The following LRGUK variants were observed in gnomAD, a reference collection of about 807,000 sequenced individuals.
The protein encoded by LRGUK is leucine-rich repeat and guanylate kinase domain-containing protein.
LRGUK carries 65 observed loss-of-function variants against 76.0 expected under a neutral mutation model. The observed-to-expected ratio is 0.85, with a 90% confidence interval of 0.70 to 1.05. The LOEUF (loss-of-function observed/expected upper bound fraction) is 1.05. LRGUK is among the 50% of genes least tolerant of loss of function. LRGUK has a pLI of 0.00. For synonymous variants in LRGUK, 268 were observed against 265.6 expected (o/e 1.01, Z -0.09); for missense variants, 758 against 732.8 (o/e 1.03, Z -0.40).
chr7:134,216,256 A>C (rs925974836), intron 15 of LRGUK, among the ~76,000 whole-genome samples: 2 of 152,146 alleles, frequency 1.3e-5, no homozygotes, highest in Non-Finnish European at 2.9e-5. Flanking sequence ...AAATGTTTGC[A>C]TTTTCCTGTT....
At chr7:134,191,115 A>AG (rs936233923) in intron 11 of LRGUK, among the ~76,000 whole-genome samples, 1 of 152,174 alleles carries the variant, frequency 6.6e-6, no homozygotes, top group Non-Finnish European at 1.5e-5. Flanking sequence ...CAGGTGGTGG[A>AG]GGGGATGGGC....
At chr7:134,171,729 A>G (rs1307355031) in intron 7 of LRGUK, among the ~76,000 whole-genome samples, 1 of 152,170 alleles carries the variant, frequency 6.6e-6, no homozygotes, top group Non-Finnish European at 1.5e-5. Flanking sequence ...CCATAGGAAT[A>G]TAACCTTTCT....
rs554413930 is a variant in LRGUK at position 134,146,552 on chromosome 7, A to G, written c.589-1686A>G. On this transcript the variant is annotated intron_variant, in intron 4 of 15. Transcript: ENST00000645682. ...CCATAGCTCCCATTTGTATATGCAT[A>G]CATTTGGTGTTCTGATTTTTTTAAT... Among the ~76,000 whole-genome samples, 8 of 152,324 alleles carry G rather than the reference A, an allele frequency of 5.3e-5. 2 individuals are homozygous for G. Among genetic ancestry groups the G allele is most frequent in the African/African-American group, 1.9e-4 (8 of 41,570 alleles).
chr7:134,171,130 G>A (rs1799222322), intron 7 of LRGUK, among the ~76,000 whole-genome samples: 1 of 104,188 alleles, frequency 9.6e-6, no homozygotes, highest in Admixed American at 9.4e-5. Flanking sequence ...AGGAAGTCAA[G>A]CAATCTTTTT....
chr7:134,226,011 CA>C (rs1801732840), intron 16 of LRGUK, among the ~76,000 whole-genome samples: 1 of 152,084 alleles, frequency 6.6e-6, no homozygotes, highest in Non-Finnish European at 1.5e-5. Flanking sequence ...GGTAAATTTC[CA>C]TGTCTTTTTG....
intron 6 of LRGUK, among the ~76,000 whole-genome samples, chr7:134,161,455 A>C (rs1798728719): frequency 6.6e-6 from 1 of 152,028 alleles, no homozygotes; most frequent in Non-Finnish European, 1.5e-5. Flanking sequence ...CATATATAAA[A>C]ATAAGAAGAA....
At chr7:134,232,620 A>C (rs535863061) in intron 16 of LRGUK, among the ~76,000 whole-genome samples, 1 of 152,186 alleles carries the variant, frequency 6.6e-6, no homozygotes, top group Admixed American at 6.5e-5. Context: ...TTCCTCTAGA[A>C]CCTAAATAAT....
the LRGUK span, among the ~76,000 whole-genome samples, chr7:134,272,143 T>C: frequency 3.9e-5 from 6 of 152,134 alleles, no homozygotes; most frequent in Non-Finnish European, 8.8e-5. Flanking sequence ...TTGCTATAGA[T>C]TTTAGGTAGA....
At chr7:134,200,018 A>G (rs1800697347) in intron 14 of LRGUK, among the ~76,000 whole-genome samples, 1 of 128,680 alleles carries the variant, frequency 7.8e-6, no homozygotes, top group African/African-American at 2.9e-5. Flanking sequence ...ATATATATAT[A>G]TATATATATA....
At chr7:134,261,014 G>A (rs1220706786) in intron 19 of LRGUK, among the ~76,000 whole-genome samples, 2 of 152,224 alleles carry the variant, frequency 1.3e-5, no homozygotes, top group African/African-American at 2.4e-5. Flanking sequence ...CACCATTTGA[G>A]TGTGGCTTTT....
chr7:134,161,934 C>T (rs188021805), intron 6 of LRGUK, among the ~76,000 whole-genome samples: 6 of 152,064 alleles, frequency 3.9e-5, no homozygotes, highest in African/African-American at 7.2e-5. Flanking sequence ...CCTCGTGATC[C>T]GCCTGCCGCA....
At chr7:134,183,578 T>C (rs546418690) in intron 10 of LRGUK, among the ~76,000 whole-genome samples, 156 bp from the exon 11 acceptor site, 1 of 152,250 alleles carries the variant, frequency 6.6e-6, no homozygotes, top group Non-Finnish European at 1.5e-5. Flanking sequence ...TTTTGACATA[T>C]AATCAATCTG....
chr7:134,127,711 C>T (rs746294482), intron 1 of LRGUK, 47 bp downstream of exon 1: 26 of 1,554,382 alleles, frequency 1.7e-5, no homozygotes, highest in Non-Finnish European at 2.3e-5. Flanking sequence ...CTCGTCCAGC[C>T]CTGTTACTTC....
Position 134,221,958 on chromosome 7 carries a change from C to CAGT in LRGUK, c.1983+40_1983+41insAGT, listed in dbSNP as rs764014082. 1.5e-4 allele frequency: 219 copies of CAGT among 1,502,472 alleles called. No individual in the cohort carries two copies. The Admixed American group carries it at 1.6e-3, about 11-fold the overall frequency. The allele number at this position is 1,502,472 out of a possible 1,614,324, so 93.1% of individuals were successfully genotyped here. On this transcript the variant is annotated intron_variant, in intron 16 of 19. Transcript: ENST00000285928. ...GAAGGGGTGAAGCCACAACTGAGCT[C>CAGT]TATACAATGTCAGACAAAGAGGGGA...
At chr7:134,146,905 T>C (rs561059421) in intron 4 of LRGUK, among the ~76,000 whole-genome samples, 1 of 152,264 alleles carries the variant, frequency 6.6e-6, no homozygotes, top group East Asian at 1.9e-4. Context: ...CAGCAAATTA[T>C]GAATGCAGTG....
intron 16 of LRGUK, among the ~76,000 whole-genome samples, chr7:134,231,097 GATC>G (rs1198021421): frequency 2.0e-5 from 3 of 152,152 alleles, no homozygotes; most frequent in Admixed American, 2.0e-4. Flanking sequence ...GTAAGGTGAG[GATC>G]CAAGGGTGAT....
At chr7:134,248,965 C>T in exon 18 of LRGUK, 1 of 1,518,104 alleles carries the variant, frequency 6.6e-7, no homozygotes, top group Non-Finnish European at 8.9e-7. Context: ...CCAGTACCAG[C>T]ACCTCTCACC....
chr7:134,184,997 G>T (rs1563168483), intron 11 of LRGUK, among the ~76,000 whole-genome samples: 1 of 152,232 alleles, frequency 6.6e-6, no homozygotes, highest in African/African-American at 2.4e-5. Context: ...AACGGCACTG[G>T]AGCGTCTTTG....
intron 1 of LRGUK, among the ~76,000 whole-genome samples, chr7:134,130,294 C>A (rs561392120): frequency 6.6e-6 from 1 of 152,228 alleles, no homozygotes; most frequent in African/African-American, 2.4e-5. Context: ...GCTTCCCCCC[C>A]CCCCCAGAGG....
Sources: allele counts gnomAD v4.1 joint callset (sites outside exome capture counted in the v4.1 genomes callset), GRCh38; gene constraint gnomAD v4.1.1; transcripts MANE v1.5; gene names NCBI Gene and HGNC (gene_info 2026-07-23, HGNC 2026-07-21).